The following GRIA3 variants were observed in gnomAD, a reference collection of about 807,000 sequenced individuals.
The protein encoded by GRIA3 is glutamate ionotropic receptor AMPA type subunit 3, also known as glutamate receptor 3.
In GRIA3, 3 loss-of-function variants were observed where a neutral mutation model predicts 63.0. The observed-to-expected ratio is 0.05, with a 90% CI of 0.02 to 0.12. GRIA3 has a LOEUF of 0.12. Ranked by LOEUF, GRIA3 falls within the 10% of genes least tolerant of loss-of-function variation. The pLI, the probability that GRIA3 is intolerant of heterozygous loss-of-function variation, is 1.00. For synonymous variants in GRIA3, 274 were observed against 257.9 expected (o/e 1.06, Z -0.60); for missense variants, 347 against 700.9 (o/e 0.50, Z 5.70).
chrX:123,281,891 T>C (rs1324350001), intron 3 of GRIA3, among the ~76,000 whole-genome samples: 2 of 111,853 alleles, frequency 1.8e-5, no homozygotes, highest in African/African-American at 6.5e-5. Flanking sequence ...GGAGGTTGGA[T>C]AGGAATAAGG....
intron 2 of GRIA3, among the ~76,000 whole-genome samples, chrX:123,216,798 CCT>C (rs1014544237): frequency 1.8e-4 from 20 of 111,730 alleles, no homozygotes; most frequent in African/African-American, 5.2e-4. Context: ...TTTTTCTCCC[CCT>C]GATTTTCTTC....
chrX:123,251,386 C>T (rs1319972138), intron 2 of GRIA3, among the ~76,000 whole-genome samples: 1 of 111,736 alleles, frequency 8.9e-6, no homozygotes, highest in African/African-American at 3.3e-5. Context: ...TGGCTCTTGT[C>T]ATGAAGTACC....
chrX:123,350,497 TG>T (rs1406698088), intron 4 of GRIA3, among the ~76,000 whole-genome samples: 4 of 112,168 alleles, frequency 3.6e-5, no homozygotes, highest in Non-Finnish European at 7.5e-5. Flanking sequence ...AGTAGTCTTG[TG>T]GAGCAATTTC....
chrX:123,236,110 C>G (rs1307342772), intron 2 of GRIA3, among the ~76,000 whole-genome samples: 1 of 111,788 alleles, frequency 8.9e-6, no homozygotes, highest in African/African-American at 3.3e-5. Context: ...TCCTTTATGT[C>G]TCTCCCAGGC....
chrX:123,461,614 G>C (rs1433738688), intron 12 of GRIA3, among the ~76,000 whole-genome samples: 1 of 111,418 alleles, frequency 9.0e-6, no homozygotes, highest in Non-Finnish European at 1.9e-5. Flanking sequence ...ATAAGAGTTT[G>C]GATTTTTTTT....
intron 5 of GRIA3, among the ~76,000 whole-genome samples, chrX:123,373,190 T>C (rs1336081129): frequency 9.0e-6 from 1 of 111,148 alleles, no homozygotes; most frequent in Non-Finnish European, 1.9e-5. Flanking sequence ...ACAAAGGACA[T>C]GAACTCATCA....
At chrX:123,192,817 GT>G (rs1222581578) in intron 2 of GRIA3, among the ~76,000 whole-genome samples, 1 of 111,263 alleles carries the variant, frequency 9.0e-6, no homozygotes, top group Admixed American at 9.6e-5. Context: ...AATTTTTCAT[GT>G]GCACACCAAT....
chrX:123,403,244 C>T (rs2045452532), intron 8 of GRIA3, 146 bp downstream of exon 8: 2 of 588,024 alleles, frequency 3.4e-6, no homozygotes, highest in Middle Eastern at 4.9e-4. Context: ...AATAGCACAC[C>T]TATGTGTCAG....
intron 3 of GRIA3, among the ~76,000 whole-genome samples, chrX:123,258,157 A>T (rs1437636845): frequency 8.9e-6 from 1 of 112,391 alleles, no homozygotes; most frequent in African/African-American, 3.2e-5. Flanking sequence ...GCAAAACCTT[A>T]ACATCTCTGT....
intron 12 of GRIA3, among the ~76,000 whole-genome samples, chrX:123,460,157 T>C (rs1011739480): frequency 8.9e-6 from 1 of 112,481 alleles, no homozygotes; most frequent in African/African-American, 3.2e-5. Flanking sequence ...TTTTAACCTG[T>C]ATCAGCAATC....
chrX:123,333,801 G>C (rs953358189), intron 4 of GRIA3, among the ~76,000 whole-genome samples: 2 of 110,840 alleles, frequency 1.8e-5, no homozygotes, highest in African/African-American at 3.3e-5. Context: ...CGAGCTTCCA[G>C]AGTAGATCAA....
chrX:123,449,822 CACTT>C (rs1444298215), intron 12 of GRIA3, among the ~76,000 whole-genome samples: 1 of 111,863 alleles, frequency 8.9e-6, no homozygotes, highest in Non-Finnish European at 1.9e-5. Flanking sequence ...GGACTGAAAA[CACTT>C]AATATGATAC....
chrX:123,278,873 T>C (rs910146663), intron 3 of GRIA3, among the ~76,000 whole-genome samples: 4 of 112,151 alleles, frequency 3.6e-5, no homozygotes, highest in African/African-American at 1.3e-4. Flanking sequence ...CCTCCAGCTT[T>C]GTTCTTTTTG....
At chrX:123,360,815 T>C (rs5911598) in intron 5 of GRIA3, among the ~76,000 whole-genome samples, 41,520 of 97,219 alleles carry the variant, frequency 0.43, 7,534 homozygotes, top group Middle Eastern at 0.61. Flanking sequence ...CCCTGCTGTC[T>C]AACCATTTTC....
chrX:123,237,902 G>A (rs1428125103), intron 2 of GRIA3, among the ~76,000 whole-genome samples: 1 of 111,972 alleles, frequency 8.9e-6, no homozygotes, highest in African/African-American at 3.3e-5. Context: ...CACTGAAGGA[G>A]CATCTGCAAG....
chrX:123,358,201 AG>A (rs1320935927), intron 5 of GRIA3: 1 of 111,887 alleles, frequency 8.9e-6, no homozygotes, highest in African/African-American at 3.2e-5. Context: ...ATGAAAGCTG[AG>A]GGTGGATATC....
At chrX:123,434,717 A>G (rs1001614503) in intron 12 of GRIA3, among the ~76,000 whole-genome samples, 1 of 111,429 alleles carries the variant, frequency 9.0e-6, no homozygotes, top group Non-Finnish European at 1.9e-5. Flanking sequence ...AGATGCAGTA[A>G]GACCACCGTT....
At chrX:123,412,817 T>C (rs1389585561) in intron 10 of GRIA3, among the ~76,000 whole-genome samples, 1 of 110,979 alleles carries the variant, frequency 9.0e-6, no homozygotes, top group African/African-American at 3.3e-5. Flanking sequence ...ATCAGTGAGG[T>C]ACAACTGAGC....
chrX:123,489,135 CAA>C lies in GRIA3; in HGVS notation c.*427_*428del, dbSNP rs1226467892. ...CACACACATTTAAATTCCAATTCAG[CAA>C]AGAGGCCCATCTAAGCTAAAAAAAT... On this transcript the variant is annotated 3_prime_UTR_variant, in exon 16 of 16. Transcript: ENST00000620443. 1 of 107,193 alleles carries C rather than the reference CAA, an allele frequency of 9.3e-6. No individual in the cohort carries two copies. The highest frequency in any genetic ancestry group is 1.0e-4 in the Admixed American group (1 of 9,976). The allele number at this position is 107,193 out of a possible 1,213,427, so 8.8% of individuals were successfully genotyped here.
Sources: allele counts gnomAD v4.1 joint callset (sites outside exome capture counted in the v4.1 genomes callset), GRCh38; gene constraint gnomAD v4.1.1; transcripts MANE v1.5; gene names NCBI Gene and HGNC (gene_info 2026-07-23, HGNC 2026-07-21).